The following CEP70 variants were observed in gnomAD, a reference collection of about 807,000 sequenced individuals.
CEP70 encodes the protein centrosomal protein 70.
CEP70 carries 70 observed loss-of-function variants against 90.9 expected under a neutral mutation model. The ratio of observed to expected loss-of-function variants is 0.77; its 90% CI spans 0.64 to 0.94. The LOEUF (loss-of-function observed/expected upper bound fraction) is 0.94. Ranked by LOEUF, CEP70 falls within the 40% of genes least tolerant of loss-of-function variation. The pLI, the probability that CEP70 is intolerant of heterozygous loss-of-function variation, is 0.00. For synonymous variants in CEP70, 220 were observed against 228.3 expected, an observed-to-expected ratio of 0.96 and a Z score of 0.33; for missense variants, 648 against 669.0, an observed-to-expected ratio of 0.97 and a Z score of 0.35.
At chr3:138,545,018 C>A (rs60331753) in intron 6 of CEP70, among the ~76,000 whole-genome samples, 7,300 of 152,070 alleles carry the variant, frequency 0.048, 562 homozygotes, top group African/African-American at 0.16. Flanking sequence ...ACTATATTAA[C>A]AATAATCTAT....
chr3:138,541,873 G>GT (rs1378849017), intron 6 of CEP70, among the ~76,000 whole-genome samples: 1 of 152,146 alleles, frequency 6.6e-6, no homozygotes, highest in Non-Finnish European at 1.5e-5. Flanking sequence ...AATACAAAAA[G>GT]TTAGCTGAGT....
At chr3:138,544,263 A>G (rs2107877749) in intron 6 of CEP70, among the ~76,000 whole-genome samples, 1 of 152,266 alleles carries the variant, frequency 6.6e-6, no homozygotes, top group South Asian at 2.1e-4. Flanking sequence ...AAAAAAGAAG[A>G]AAATCACTTG....
At chr3:138,555,273 A>G (rs1399446309) in intron 6 of CEP70, among the ~76,000 whole-genome samples, 1 of 148,914 alleles carries the variant, frequency 6.7e-6, no homozygotes, top group African/African-American at 2.5e-5. Flanking sequence ...TCAACTCAAG[A>G]TGGATCAAGG....
At chr3:138,496,208 A>G (rs1189386203) in intron 17 of CEP70, 1 of 985,294 alleles carries the variant, frequency 1.0e-6, no homozygotes, top group East Asian at 1.1e-4. Flanking sequence ...GTTCCCTTAC[A>G]TAAAGCATGC....
chr3:138,529,168 A>AC, intron 10 of CEP70, 31 bp downstream of exon 10: 1 of 429,418 alleles, frequency 2.3e-6, no homozygotes, highest in Non-Finnish European at 3.5e-6. Context: ...CTGTCTCAGG[A>AC]AAAAAAAAAA....
rs2041164363 is a variant in CEP70 at position 138,571,374 on chromosome 3, G to C, written c.70-18C>G. On this transcript the variant is annotated intron_variant, in intron 3 of 17. Transcript: ENST00000264982. ...TCTTCCTGCTACAATTACAGAAAGA[G>C]AAGAAAGGGTTAACTTTAGATATAA... The C allele has an allele frequency of 6.7e-7, 1 of 1,502,862 alleles. No individual in the cohort carries two copies. The highest frequency in any genetic ancestry group is 1.2e-5 in the South Asian group (1 of 86,328). 93.1% of individuals were successfully genotyped at this position (1,502,862 alleles called of 1,614,324 possible). A position where few individuals can be genotyped will look rare whatever the true frequency, so the allele number is the denominator to read the frequency against.
rs148750907 is a variant in CEP70 at position 138,529,385 on chromosome 3, C to A, written c.770G>T (p.Gly257Val). The change falls in exon 9 of 18, where the codon GGC becomes GTC. Residue 257 changes from glycine (G) to valine (V), a missense_variant. Coordinates refer to ENST00000264982, the MANE Select transcript of CEP70 (RefSeq NM_024491.4). ...ATGCAGTCCCCATACCATTAAAAGG[C>A]CTTTATAAGTTGGTGAGGCATCCAG... The part of the protein sequence containing the change: ...RNLDASPTYK[G>V]LLMSLQNQLK... The A allele has an allele frequency of 3.1e-5, 50 of 1,606,528 alleles. No homozygotes were observed. The African/African-American group carries it at 5.0e-4, about 16-fold the overall frequency.
In CEP70 at chr3:138,498,086, G is replaced by A. The variant is rs758222104; in HGVS notation, c.1677C>T (p.His559=). 1.1e-5 allele frequency: 18 copies of A among 1,612,842 alleles called. No individual in the cohort carries two copies. The South Asian group carries it at 1.2e-4, about 11-fold the overall frequency. The change falls in exon 17 of 18, where the codon CAC becomes CAT. Residue 559 remains histidine, a synonymous_variant. Coordinates refer to ENST00000264982, the MANE Select transcript of CEP70 (RefSeq NM_024491.4). ...LQSIIYKLEE[H]EEFFPAFQAF... ...CCTGAAATGCTGGGAAAAATTCCTCGTGTTCTTCCAATTTGTAGATAATGC... is the reference window on the plus strand; with the variant it reads ...CCTGAAATGCTGGGAAAAATTCCTCATGTTCTTCCAATTTGTAGATAATGC...
intron 2 of CEP70, among the ~76,000 whole-genome samples, chr3:138,588,677 T>C (rs1440771867): frequency 6.6e-6 from 1 of 152,226 alleles, no homozygotes; most frequent in Non-Finnish European, 1.5e-5. Context: ...ACTTTGGCTA[T>C]TTCTTAAAAG....
intron 10 of CEP70, among the ~76,000 whole-genome samples, chr3:138,527,602 A>G (rs9823182): frequency 0.55 from 82,767 of 150,630 alleles, 24,493 homozygotes; most frequent in African/African-American, 0.78. Flanking sequence ...GCTGAGGCAG[A>G]AGAAATCACT....
chr3:138,561,430 T>C (rs1478499847), intron 6 of CEP70, among the ~76,000 whole-genome samples: 2 of 151,996 alleles, frequency 1.3e-5, no homozygotes, highest in African/African-American at 2.4e-5. Context: ...TCTACGAAGA[T>C]GGGGAGAAAC....
intron 11 of CEP70, among the ~76,000 whole-genome samples, chr3:138,523,777 A>T (rs2036928295): frequency 6.6e-6 from 1 of 152,192 alleles, no homozygotes; most frequent in African/African-American, 2.4e-5. Context: ...AAGAATCAAT[A>T]TCGTGAAAAT....
At position 138,510,743 on chromosome 3, in the gene CEP70, T is replaced by C. The variant is rs1279154904; in HGVS notation, c.945-2199A>G. On this transcript the variant is annotated intron_variant, in intron 11 of 17. Coordinates refer to ENST00000264982, the MANE Select transcript of CEP70 (RefSeq NM_024491.4). The stretch of plus-strand genomic sequence containing the variant: ...TCCCCCCTTGTCAGTGGGGGATACA[T>C]TGTTCCAGGATCCCCAGTAGATACC... Among the ~76,000 whole-genome samples the C allele has an allele frequency of 3.3e-5, 5 of 152,152 alleles. No homozygotes were observed. The East Asian group carries it at 7.7e-4, about 23-fold the overall frequency.
chr3:138,553,881 C>T (rs888787733), intron 6 of CEP70, among the ~76,000 whole-genome samples: 7 of 152,142 alleles, frequency 4.6e-5, no homozygotes, highest in South Asian at 2.1e-4. Flanking sequence ...ATGATCATCT[C>T]GATAAACTCA....
At chr3:138,502,132 T>C (rs1377149242) in intron 13 of CEP70, among the ~76,000 whole-genome samples, 1 of 152,224 alleles carries the variant, frequency 6.6e-6, no homozygotes, top group Non-Finnish European at 1.5e-5. Context: ...ATATTAACTG[T>C]ACTAGTATAT....
intron 6 of CEP70, among the ~76,000 whole-genome samples, chr3:138,569,180 C>T (rs935089711): frequency 6.6e-5 from 10 of 152,194 alleles, no homozygotes; most frequent in Admixed American, 1.3e-4. Flanking sequence ...ACTAGAGCCC[C>T]CTAGTATCTC....
chr3:138,537,410 G>A (rs542010), intron 6 of CEP70, 63 bp from the exon 7 acceptor site: 533,424 of 1,111,964 alleles, frequency 0.48, 132,364 homozygotes, highest in African/African-American at 0.78. Context: ...TATCCTAACA[G>A]TATTGTACAC....
intron 6 of CEP70, among the ~76,000 whole-genome samples, chr3:138,540,836 T>A (rs1229015399): frequency 6.6e-6 from 1 of 152,114 alleles, no homozygotes; most frequent in East Asian, 1.9e-4. Context: ...AAACATGGAA[T>A]CAACTGAAAT....
intron 2 of CEP70, among the ~76,000 whole-genome samples, chr3:138,581,785 A>G (rs774782224): frequency 7.9e-5 from 12 of 151,876 alleles, no homozygotes; most frequent in Non-Finnish European, 1.5e-4. Flanking sequence ...CTAAACCCAC[A>G]GAAAGATATC....
Sources: gnomAD v4.1 joint callset for allele counts (sites outside exome capture counted in the v4.1 genomes callset) on GRCh38, gnomAD v4.1.1 for gene constraint, MANE v1.5 for transcripts, NCBI Gene and HGNC (gene_info 2026-07-23, HGNC 2026-07-21) for gene names.